The following CCDC60 variants were observed in gnomAD, a reference collection of about 807,000 sequenced individuals.
CCDC60 encodes the protein coiled-coil domain-containing protein 60.
Under a neutral mutation model 63.5 loss-of-function variants are expected in CCDC60, and 54 were observed. The ratio of observed to expected loss-of-function variants is 0.85; its 90% CI spans 0.68 to 1.07. The LOEUF is 1.07. Ranked by LOEUF, CCDC60 falls within the 50% of genes least tolerant of loss-of-function variation. The probability of loss-of-function intolerance (pLI) is 0.00; values close to 1 mark genes in which losing one functional copy is unlikely to be tolerated. For missense variants in CCDC60, 651 were observed against 684.3 expected (o/e 0.95, Z 0.54); for synonymous variants, 206 against 238.8 (o/e 0.86, Z 1.27).
chr12:119,499,337 G>GA lies in CCDC60; in HGVS notation c.558-732dup, dbSNP rs796537933. Among the ~76,000 whole-genome samples, 66 of 150,564 alleles carry GA rather than the reference G, an allele frequency of 4.4e-4. No individual in the cohort carries two copies. In the East Asian group the frequency reaches 5.5e-3, roughly 12 times the overall value. ...TTTAACTGGGGAGAGGGCATTTTAA[G>GA]AAAAAAAAATACAAAATTACAATAC... On this transcript the variant is annotated intron_variant, in intron 5 of 13. Coordinates refer to ENST00000327554, the MANE Select transcript of CCDC60 (RefSeq NM_178499.5).
chr12:119,399,445 C>T (rs11064774), intron 1 of CCDC60, among the ~76,000 whole-genome samples: 29,750 of 152,174 alleles, frequency 0.2, 3,195 homozygotes, highest in African/African-American at 0.22. Flanking sequence ...AAAGTTCCTT[C>T]AAATGAGTGG....
At chr12:119,451,666 C>G (rs1334449658) in intron 2 of CCDC60, among the ~76,000 whole-genome samples, 2 of 152,128 alleles carry the variant, frequency 1.3e-5, no homozygotes, top group Non-Finnish European at 2.9e-5. Flanking sequence ...AAGTCCAAAT[C>G]CTCTCAATTT....
chr12:119,368,216 G>A (rs1409421692), intron 1 of CCDC60, among the ~76,000 whole-genome samples: 32 of 116,600 alleles, frequency 2.7e-4, no homozygotes, highest in African/African-American at 1.1e-3. Flanking sequence ...GGAGGAGGGG[G>A]AGGAAGAGGA....
intron 2 of CCDC60, among the ~76,000 whole-genome samples, chr12:119,455,254 G>A (rs2136290430): frequency 6.6e-6 from 1 of 152,316 alleles, no homozygotes; most frequent in East Asian, 1.9e-4. Flanking sequence ...GTCATTGGGA[G>A]CAATAGAGAG....
At chr12:119,486,379 A>T (rs900439600) in intron 4 of CCDC60, among the ~76,000 whole-genome samples, 13 of 152,294 alleles carry the variant, frequency 8.5e-5, no homozygotes, top group African/African-American at 2.4e-4. Context: ...TCTACAAAAA[A>T]AAATAAAAAT....
chr12:119,391,385 G>A (rs537252464), intron 1 of CCDC60, among the ~76,000 whole-genome samples: 37 of 152,222 alleles, frequency 2.4e-4, no homozygotes, highest in Non-Finnish European at 4.7e-4. Flanking sequence ...AATTGCTGAA[G>A]TACCAGACAA....
chr12:119,478,393 C>T (rs192824535), intron 3 of CCDC60, among the ~76,000 whole-genome samples: 10 of 151,916 alleles, frequency 6.6e-5, no homozygotes, highest in South Asian at 2.1e-4. Context: ...TTTTCTATAA[C>T]GGAAATGATT....
At position 119,475,846 on chromosome 12, in the gene CCDC60, C is replaced by T. The variant is rs141543467; in HGVS notation, c.342-3248C>T. Among the ~76,000 whole-genome samples the T allele has an allele frequency of 2.0e-3, 304 of 152,204 alleles. 2 individuals are homozygous for T. The highest frequency in any genetic ancestry group is 3.4e-3 in the Middle Eastern group (1 of 294). On this transcript the variant is annotated intron_variant, in intron 3 of 13. Coordinates refer to ENST00000327554, the MANE Select transcript of CCDC60 (RefSeq NM_178499.5). ...TGCTCAGTAATTGTTCCTATTATGACGCAATAAAGTGAGTTTGAGCTCTCT... is the reference window on the plus strand; with the variant it reads ...TGCTCAGTAATTGTTCCTATTATGATGCAATAAAGTGAGTTTGAGCTCTCT...
intron 1 of CCDC60, among the ~76,000 whole-genome samples, chr12:119,394,571 G>A (rs1201922400): frequency 6.6e-6 from 1 of 152,180 alleles, no homozygotes; most frequent in East Asian, 1.9e-4. Flanking sequence ...TACCCCCATG[G>A]ATGCACAGAA....
chr12:119,468,689 ATT>A (rs35047751), intron 2 of CCDC60, among the ~76,000 whole-genome samples: 1 of 151,954 alleles, frequency 6.6e-6, no homozygotes, highest in Non-Finnish European at 1.5e-5. Flanking sequence ...AATGAAAAGA[ATT>A]TTATTTAAAA....
intron 11 of CCDC60, among the ~76,000 whole-genome samples, chr12:119,527,410 T>C (rs1477485930): frequency 6.6e-6 from 1 of 152,094 alleles, no homozygotes; most frequent in Non-Finnish European, 1.5e-5. Context: ...GCCCCAAATC[T>C]AAAACAAATT....
chr12:119,467,462 G>C (rs1238577089), intron 2 of CCDC60, among the ~76,000 whole-genome samples: 1 of 152,174 alleles, frequency 6.6e-6, no homozygotes, highest in African/African-American at 2.4e-5. Context: ...TGCGATTAGT[G>C]CCCCTATAAA....
At chr12:119,357,707 G>C (rs566823025) in intron 1 of CCDC60, among the ~76,000 whole-genome samples, 31 of 152,258 alleles carry the variant, frequency 2.0e-4, no homozygotes, top group Non-Finnish European at 4.3e-4. Flanking sequence ...ACCCACTTCG[G>C]CCTCCCAAAG....
At chr12:119,454,992 T>A (rs1950698244) in intron 2 of CCDC60, among the ~76,000 whole-genome samples, 2 of 152,214 alleles carry the variant, frequency 1.3e-5, no homozygotes, top group African/African-American at 4.8e-5. Flanking sequence ...AACGGGCATA[T>A]GTTACCCAGC....
In CCDC60 at chr12:119,435,223, G is replaced by T. The variant is rs549944206; in HGVS notation, c.170+6461G>T. 1.2e-4 allele frequency among the ~76,000 whole-genome samples: 18 copies of T among 152,316 alleles called. No homozygotes were observed. The South Asian group carries it at 2.3e-3, about 19-fold the overall frequency. On this transcript the variant is annotated intron_variant, in intron 2 of 13. Coordinates refer to ENST00000327554, the MANE Select transcript of CCDC60 (RefSeq NM_178499.5). ...GTCATGTCCACTGTCATGGTCCCAA[G>T]AAAGTGTTTATTGATGGGATGAATT... is the stretch of plus-strand genomic sequence containing the variant.
chr12:119,424,362 C>T (rs1712532609), intron 1 of CCDC60, among the ~76,000 whole-genome samples: 1 of 152,206 alleles, frequency 6.6e-6, no homozygotes, highest in Non-Finnish European at 1.5e-5. Context: ...AGTGGTAGCA[C>T]CAAGACTCAA....
intron 13 of CCDC60, among the ~76,000 whole-genome samples, chr12:119,539,472 G>C (rs572672852): frequency 6.6e-6 from 1 of 152,194 alleles, no homozygotes; most frequent in Non-Finnish European, 1.5e-5. Flanking sequence ...TGGTGGCTTT[G>C]TTTACACTGT....
intron 2 of CCDC60, among the ~76,000 whole-genome samples, chr12:119,461,947 G>A (rs918651777): frequency 4.6e-5 from 7 of 152,178 alleles, no homozygotes; most frequent in African/African-American, 1.4e-4. Context: ...TCCCAAGCTC[G>A]TTGAATGAAC....
Position 119,408,700 on chromosome 12 carries a change from C to A in CCDC60, c.91-19983C>A, listed in dbSNP as rs370882943. On this transcript the variant is annotated intron_variant, in intron 1 of 13. Transcript: ENST00000327554. Reference sequence around the variant, plus strand: ...AATTAGCCAGGCGTGGTGGCGGGCGCCTGTAGTCCCAGCTACTTGGGAGGC... The same window carrying A: ...AATTAGCCAGGCGTGGTGGCGGGCGACTGTAGTCCCAGCTACTTGGGAGGC... Among the ~76,000 whole-genome samples the A allele has an allele frequency of 4.2e-3, 635 of 152,222 alleles. 6 individuals are homozygous for A. The highest frequency in any genetic ancestry group is 7.5e-3 in the Non-Finnish European group (513 of 68,002).
Sources: allele counts gnomAD v4.1 joint callset (sites outside exome capture counted in the v4.1 genomes callset), GRCh38; gene constraint gnomAD v4.1.1; transcripts MANE v1.5; gene names NCBI Gene and HGNC (gene_info 2026-07-23, HGNC 2026-07-21).